Variants in TUB observed in about 807,000 individuals in gnomAD.
TUB encodes the protein tubby protein homolog.
TUB carries 33 observed loss-of-function variants against 59.7 expected under a neutral mutation model. The ratio of observed to expected loss-of-function variants is 0.55; its 90% CI spans 0.42 to 0.74. The LOEUF is 0.74. Ranked by LOEUF, TUB falls within the 30% of genes least tolerant of loss-of-function variation. The pLI, the probability that TUB is intolerant of heterozygous loss-of-function variation, is 0.00. For synonymous variants in TUB, 293 were observed against 256.4 expected, an observed-to-expected ratio of 1.14 and a Z score of -1.36; for missense variants, 659 against 672.0, an observed-to-expected ratio of 0.98 and a Z score of 0.21.
rs116224590 is a variant in TUB at position 8,031,892 on chromosome 11, C to T, written c.56+12534C>T. 2.9e-3 allele frequency among the ~76,000 whole-genome samples: 439 copies of T among 152,298 alleles called. 1 individual carries two copies. The highest frequency in any genetic ancestry group is 0.01 in the African/African-American group (426 of 41,586). On this transcript the variant is annotated intron_variant, in intron 1 of 11. Transcript: ENST00000534099. ...GGGTCCCGGTGCAGGGTTACTCCCCCGCCCCCCTCGGGCCACTTCGCCTTC... is the reference window on the plus strand; with the variant it reads ...GGGTCCCGGTGCAGGGTTACTCCCCTGCCCCCCTCGGGCCACTTCGCCTTC...
intron 2 of TUB, among the ~76,000 whole-genome samples, chr11:8,062,942 A>G (rs1943162874): frequency 6.6e-6 from 1 of 152,162 alleles, no homozygotes; most frequent in Middle Eastern, 3.2e-3. Flanking sequence ...AGAGGCCGAC[A>G]TACTCTTCGG....
chr11:8,100,761 T>G (rs927777963), intron 10 of TUB, 65 bp from the exon 11 acceptor site: 10 of 1,594,936 alleles, frequency 6.3e-6, no homozygotes, highest in Non-Finnish European at 7.7e-6. Flanking sequence ...CCGGGATAGA[T>G]CCCTTTCTGG....
intron 1 of TUB, among the ~76,000 whole-genome samples, chr11:8,027,052 A>G (rs755670913): frequency 1.3e-5 from 2 of 152,286 alleles, no homozygotes; most frequent in East Asian, 3.9e-4. Flanking sequence ...TATAAAATTC[A>G]GTTTCTGATT....
chr11:8,069,059 G>A (rs1188603051), intron 2 of TUB: 1 of 152,222 alleles, frequency 6.6e-6, no homozygotes, highest in Non-Finnish European at 1.5e-5. Context: ...CAGGTCATCT[G>A]TGTTAATTCT....
chr11:8,040,102 C>A (rs1942722554), intron 2 of TUB, among the ~76,000 whole-genome samples: 1 of 152,170 alleles, frequency 6.6e-6, no homozygotes, highest in African/African-American at 2.4e-5. Flanking sequence ...GAGCCTCCAG[C>A]CCCCCTGCCC....
Position 8,081,241 on chromosome 11 carries a change from A to G in TUB, c.-270A>G, listed in dbSNP as rs1055472893. ...CGCCTTGGCGCCAGAGGGGCGCGGG[A>G]CGGTGCGGTCGGCCTCCCCGCCTCC... On this transcript the variant is annotated 5_prime_UTR_variant, in exon 1 of 12. Coordinates refer to ENST00000299506, the MANE Select transcript of TUB (RefSeq NM_177972.3). The G allele has an allele frequency of 1.9e-3, 676 of 350,184 alleles. 2 individuals are homozygous for G. Among genetic ancestry groups the G allele is most frequent in the South Asian group, 3.6e-3 (31 of 8,710 alleles). 21.7% of individuals were successfully genotyped at this position (350,184 alleles called of 1,614,324 possible).
intron 1 of TUB, among the ~76,000 whole-genome samples, chr11:8,022,900 C>CAAAAA (rs1185969653): frequency 2.2e-4 from 34 of 152,176 alleles, no homozygotes; most frequent in Admixed American, 1.9e-3. Flanking sequence ...GTCTCAAAAA[C>CAAAAA]AAAACAAAAC....
chr11:8,081,625 G>T (rs534093009), intron 1 of TUB, 77 bp downstream of exon 1: 2 of 1,396,790 alleles, frequency 1.4e-6, no homozygotes, highest in African/African-American at 3.0e-5. Flanking sequence ...CGGCCGGGGC[G>T]CAGGGCACCG....
Position 8,049,111 on chromosome 11 carries a change from C to G in TUB, c.203+9419C>G, listed in dbSNP as rs139015821. On this transcript the variant is annotated intron_variant, in intron 2 of 12. Transcript: ENST00000305253. ...TACCTGCTTTGCCATCCTCTCTCTT[C>G]TGTAGTCGGCCCAAAGCATGGGCTA... Among the ~76,000 whole-genome samples the G allele has an allele frequency of 6.7e-3, 1,028 of 152,312 alleles. 10 individuals carry two copies. Among genetic ancestry groups the G allele is most frequent in the African/African-American group, 0.022 (921 of 41,554 alleles).
intron 1 of TUB, among the ~76,000 whole-genome samples, chr11:8,025,341 A>G (rs1942486283): frequency 6.6e-6 from 1 of 152,152 alleles, no homozygotes; most frequent in Admixed American, 6.5e-5. Flanking sequence ...AGGCGAGGGA[A>G]TGAGTCATGT....
Position 8,059,063 on chromosome 11 carries a change from C to T in TUB, c.203+19371C>T, listed in dbSNP as rs533978790. ...CCAACATGTCTCCTTACTGTGCAGA[C>T]GGTGAGGTAGGGTGGGGTGGAGGGA... On this transcript the variant is annotated intron_variant, in intron 2 of 12. Coordinates refer to the TUB transcript ENST00000305253. Among the ~76,000 whole-genome samples, 21 of 152,250 alleles carry T rather than the reference C, an allele frequency of 1.4e-4. No individual in the cohort carries two copies. The East Asian group carries it at 2.3e-3, about 17-fold the overall frequency.
upstream of TUB, among the ~76,000 whole-genome samples, chr11:8,036,364 T>A (rs1453805274): frequency 1.3e-5 from 2 of 152,184 alleles, no homozygotes; most frequent in African/African-American, 2.4e-5. Context: ...GAATACATGG[T>A]TCCTGTTCCT....
At chr11:8,076,965 AT>A (rs1422288032), upstream of TUB, 1 of 152,094 alleles carries the variant, frequency 6.6e-6, no homozygotes, top group Non-Finnish European at 1.5e-5. Context: ...TGGTCTTTGT[AT>A]ATTCTGCAGT....
At chr11:8,038,643 C>T in exon 1 of TUB, 1 of 1,264,626 alleles carries the variant, frequency 7.9e-7, no homozygotes. Flanking sequence ...CTTGAGGATT[C>T]AGTCTGGTCC....
chr11:8,063,701 A>G (rs1039830161), intron 2 of TUB, among the ~76,000 whole-genome samples: 4 of 152,134 alleles, frequency 2.6e-5, no homozygotes, highest in African/African-American at 9.7e-5. Context: ...TTTTACTGGG[A>G]GGCATTCCCC....
chr11:8,081,691 C>A, intron 1 of TUB, 143 bp downstream of exon 1: 1 of 931,378 alleles, frequency 1.1e-6, no homozygotes, highest in Non-Finnish European at 1.4e-6. Context: ...CTGGTCCTTC[C>A]TCCCTCAACT....
intron 1 of TUB, among the ~76,000 whole-genome samples, chr11:8,019,663 A>AC (rs1300247944): frequency 3.3e-5 from 5 of 151,612 alleles, no homozygotes; most frequent in Admixed American, 2.0e-4. Context: ...CCGCCGGGGG[A>AC]CCCCGAGAAA....
chr11:8,105,301 G>A lies in TUB; in HGVS notation c.*3682G>A, dbSNP rs1271120556. 1 of 152,186 alleles carries A rather than the reference G, an allele frequency of 6.6e-6. No homozygotes were observed. Among genetic ancestry groups the A allele is most frequent in the East Asian group, 1.9e-4 (1 of 5,200 alleles). The allele number at this position is 152,186 out of a possible 1,614,324, so 9.4% of individuals were successfully genotyped here. A position where few individuals can be genotyped will look rare whatever the true frequency, so the allele number is the denominator to read the frequency against. On this transcript the variant is annotated 3_prime_UTR_variant, in exon 12 of 12. Transcript: ENST00000299506. ...AATGAGTCTGCTTTCACTGTGACTGGGACCTGAATGACCTGCAGTCAGGGC... is the reference window on the plus strand; with the variant it reads ...AATGAGTCTGCTTTCACTGTGACTGAGACCTGAATGACCTGCAGTCAGGGC...
chr11:8,019,313 T>C, exon 1 of TUB: 2 of 1,277,046 alleles, frequency 1.6e-6, no homozygotes, highest in South Asian at 2.8e-5. Flanking sequence ...ATGGAGGGAG[T>C]CAGCAGCCAC....
Sources: gnomAD v4.1 joint callset for allele counts (sites outside exome capture counted in the v4.1 genomes callset) on GRCh38, gnomAD v4.1.1 for gene constraint, MANE v1.5 for transcripts, NCBI Gene and HGNC (gene_info 2026-07-23, HGNC 2026-07-21) for gene names.